Variants in USP28 observed in about 807,000 individuals in gnomAD.
USP28 encodes ubiquitin specific peptidase 28.
In USP28, 113 loss-of-function variants were observed where a neutral mutation model predicts 145.0. The observed-to-expected ratio is 0.78, with a 90% CI of 0.67 to 0.91. USP28 has a LOEUF of 0.91. Ranked by LOEUF, USP28 falls within the 40% of genes least tolerant of loss-of-function variation. The pLI, the probability that USP28 is intolerant of heterozygous loss-of-function variation, is 0.00. For synonymous variants in USP28, 447 were observed against 450.9 expected, an observed-to-expected ratio of 0.99 and a Z score of 0.11; for missense variants, 1,201 against 1,289.6, an observed-to-expected ratio of 0.93 and a Z score of 1.05.
At chr11:113,800,842 T>C (rs1333289381) in intron 24 of USP28, among the ~76,000 whole-genome samples, 1 of 105,122 alleles carries the variant, frequency 9.5e-6, no homozygotes, top group Admixed American at 1.2e-4. Context: ...CTCTGCATGA[T>C]TTTTTTTTTT....
intron 1 of USP28, among the ~76,000 whole-genome samples, chr11:113,870,233 A>G (rs1424017208): frequency 6.6e-6 from 1 of 152,038 alleles, no homozygotes; most frequent in Admixed American, 6.6e-5. Context: ...TAAAATAATA[A>G]AAGTATGAGG....
At chr11:113,817,947 A>C (rs1175488724) in intron 12 of USP28, 110 bp from the exon 13 acceptor site, 2 of 1,171,286 alleles carry the variant, frequency 1.7e-6, no homozygotes, top group African/African-American at 1.5e-5. Flanking sequence ...GCTTATTCCT[A>C]GAGGCTATAC....
chr11:113,870,717 T>C (rs539616333), intron 1 of USP28, among the ~76,000 whole-genome samples: 8 of 152,344 alleles, frequency 5.3e-5, no homozygotes, highest in African/African-American at 1.9e-4. Context: ...CACCTTAAGC[T>C]CTGTAGCAGA....
At chr11:113,829,335 A>C in exon 10 of USP28, 2 of 1,614,174 alleles carry the variant, frequency 1.2e-6, no homozygotes, top group East Asian at 2.2e-5. Flanking sequence ...CATTGTTACA[A>C]AAGGGTTTTC....
At chr11:113,829,115 A>T in intron 10 of USP28, 82 bp downstream of exon 10, 1 of 1,559,188 alleles carries the variant, frequency 6.4e-7, no homozygotes, top group South Asian at 1.2e-5. Context: ...TTAATATGTG[A>T]TGGGAAACTA....
chr11:113,817,825 A>G (rs1025090113), exon 13 of USP28: 7 of 1,614,084 alleles, frequency 4.3e-6, no homozygotes, highest in Non-Finnish European at 5.9e-6. Context: ...GGCCTGAGCC[A>G]TATTTCACAT....
rs11560843 is a variant in USP28, at chr11:113,844,398, C to T, written c.269-2630G>A. Among the ~76,000 whole-genome samples the T allele has an allele frequency of 9.1e-4, 137 of 151,286 alleles. 1 individual carries two copies. In the East Asian group the frequency reaches 0.025, roughly 28 times the overall value. ...GGCAGAGGTTGCAGTGAGCCGAGAT[C>T]GTACCACTGCACTCCAGCCTGGGCA... On this transcript the variant is annotated intron_variant, in intron 3 of 24. Coordinates refer to ENST00000003302, the Ensembl canonical transcript of USP28.
intron 1 of USP28, among the ~76,000 whole-genome samples, chr11:113,865,433 T>C (rs1288431020): frequency 6.6e-6 from 1 of 152,218 alleles, no homozygotes; most frequent in East Asian, 1.9e-4. Flanking sequence ...ACACTTCTTA[T>C]ATCAAAACTT....
chr11:113,872,252 C>G (rs1023278293), intron 1 of USP28, among the ~76,000 whole-genome samples: 1 of 151,984 alleles, frequency 6.6e-6, no homozygotes, highest in Non-Finnish European at 1.5e-5. Flanking sequence ...GTTTGCAGAC[C>G]GAGGCGGGCG....
exon 25 of USP28, chr11:113,799,158 C>A (rs1247662496): frequency 1.4e-6 from 2 of 1,458,504 alleles, no homozygotes; most frequent in Non-Finnish European, 1.9e-6. Flanking sequence ...AATCCTTTTC[C>A]CAAGGTGAGC....
At chr11:113,798,549 T>C (rs919212914) in exon 25 of USP28, 7 of 152,754 alleles carry the variant, frequency 4.6e-5, no homozygotes, top group Non-Finnish European at 8.8e-5. Flanking sequence ...TAATGGATGA[T>C]CTTCAGTCAA....
In USP28 at chr11:113,823,618, G is replaced by C. The variant is rs200987103; in HGVS notation, c.1270C>G (p.Gln424Glu). 2.6e-5 allele frequency: 42 copies of C among 1,610,312 alleles called. No individual in the cohort carries two copies. Among genetic ancestry groups the C allele is most frequent in the Non-Finnish European group, 3.3e-5 (39 of 1,178,558 alleles). ...TCCAAAACTCACCTTTCCAATTTTTGCTGCAGAATTTTTATTTCCTCCTTC... is the reference window on the plus strand; with the variant it reads ...TCCAAAACTCACCTTTCCAATTTTTCCTGCAGAATTTTTATTTCCTCCTTC... Residue 424 changes from glutamine to glutamate, a missense_variant, in exon 12 of 25, where the codon CAA becomes GAA. Gln to Glu is a conservative substitution (Grantham distance 29). Coordinates refer to ENST00000003302, the Ensembl canonical transcript of USP28.
At position 113,833,300 on chromosome 11, in the gene USP28, C is replaced by T. The variant is rs1400188005; in HGVS notation, c.759+120G>A. On this transcript the variant is annotated intron_variant, in intron 7 of 24. Coordinates refer to ENST00000003302, the Ensembl canonical transcript of USP28. Reference sequence around the variant, plus strand: ...CTGTAGGCAAAACAAAAGTCAGAAACGAGCATCCATAGTCCTGCTTAGTCA... The same window carrying T: ...CTGTAGGCAAAACAAAAGTCAGAAATGAGCATCCATAGTCCTGCTTAGTCA... 4.4e-6 allele frequency: 6 copies of T among 1,368,282 alleles called. No individual in the cohort carries two copies. The South Asian group carries it at 6.0e-5, about 14-fold the overall frequency. The allele number at this position is 1,368,282 out of a possible 1,614,324, so 84.8% of individuals were successfully genotyped here. A position where few individuals can be genotyped will look rare whatever the true frequency, so the allele number is the denominator to read the frequency against.
rs377032892 is a variant in USP28, at chr11:113,814,967, G to A, written c.1672+207C>T. 1.7e-4 allele frequency among the ~76,000 whole-genome samples: 26 copies of A among 151,846 alleles called. No individual in the cohort carries two copies. The East Asian group carries it at 3.9e-3, about 23-fold the overall frequency. The stretch of plus-strand genomic sequence containing the variant: ...CTTGGGAGGCTGAGCCATGAAAATC[G>A]CCTGAACCCGGAAGGCGGAGGTTTC... On this transcript the variant is annotated intron_variant, in intron 14 of 24. Transcript: ENST00000003302.
chr11:113,822,959 G>A (rs188237580), intron 12 of USP28, among the ~76,000 whole-genome samples: 1 of 152,142 alleles, frequency 6.6e-6, no homozygotes, highest in African/African-American at 2.4e-5. Context: ...AAAGAAAACT[G>A]TTAAGTGGAT....
At chr11:113,862,810 C>T (rs1466903815) in intron 1 of USP28, among the ~76,000 whole-genome samples, 2 of 152,060 alleles carry the variant, frequency 1.3e-5, no homozygotes, top group African/African-American at 4.8e-5. Context: ...TTGATTGATA[C>T]AGAAAAACAT....
chr11:113,832,322 C>G (rs1944090760), intron 7 of USP28, among the ~76,000 whole-genome samples: 1 of 152,102 alleles, frequency 6.6e-6, no homozygotes, highest in African/African-American at 2.4e-5. Context: ...GTTGGCCAAG[C>G]TGGTCTTGAA....
chr11:113,800,156 C>T (rs1185805743), intron 24 of USP28, among the ~76,000 whole-genome samples: 2 of 151,964 alleles, frequency 1.3e-5, no homozygotes, highest in African/African-American at 4.8e-5. Context: ...CAGGTGCCCG[C>T]CACCACACCC....
intron 23 of USP28, among the ~76,000 whole-genome samples, chr11:113,802,691 T>C (rs1412623291): frequency 6.6e-6 from 1 of 152,174 alleles, no homozygotes; most frequent in East Asian, 1.9e-4. Context: ...GTTCCTACCT[T>C]TATTTTAAAA....
Sources: gnomAD v4.1 joint callset for allele counts (sites outside exome capture counted in the v4.1 genomes callset) on GRCh38, gnomAD v4.1.1 for gene constraint, MANE v1.5 for transcripts, NCBI Gene and HGNC (gene_info 2026-07-23, HGNC 2026-07-21) for gene names.